STPG2: variants seen among roughly 807,000 people sequenced by gnomAD.
The protein encoded by STPG2 is sperm-tail PG-rich repeat-containing protein 2.
STPG2 carries 56 observed loss-of-function variants against 54.2 expected under a neutral mutation model. The ratio of observed to expected loss-of-function variants is 1.03; its 90% CI spans 0.83 to 1.29. The LOEUF is 1.29. STPG2 is among the 50% of genes most tolerant of loss of function. STPG2 has a pLI of 0.00. For missense variants in STPG2, 596 were observed against 544.9 expected (o/e 1.09, Z -0.93); for synonymous variants, 200 against 181.8 (o/e 1.10, Z -0.81).
chr4:97,645,886 T>G (rs2148949230), intron 10 of STPG2, among the ~76,000 whole-genome samples: 1 of 152,270 alleles, frequency 6.6e-6, no homozygotes, highest in Non-Finnish European at 1.5e-5. Flanking sequence ...TATATTTAAC[T>G]TAGTGAAAAG....
intron 10 of STPG2, among the ~76,000 whole-genome samples, chr4:97,567,418 A>C (rs914112540): frequency 6.7e-6 from 1 of 149,438 alleles, no homozygotes; most frequent in Non-Finnish European, 1.5e-5. Context: ...AATATCTAAC[A>C]ATACTATATA....
intron 9 of STPG2, among the ~76,000 whole-genome samples, chr4:97,817,939 A>ATT (rs1168811161): frequency 6.6e-6 from 1 of 151,682 alleles, no homozygotes; most frequent in Admixed American, 6.6e-5. Context: ...ATATATATAT[A>ATT]CTCTGTCCTC....
At chr4:97,901,058 TC>T (rs1731158815) in intron 8 of STPG2, among the ~76,000 whole-genome samples, 1 of 152,020 alleles carries the variant, frequency 6.6e-6, no homozygotes, top group Non-Finnish European at 1.5e-5. Flanking sequence ...AATGCAATTG[TC>T]CTTGTAACAT....
At chr4:97,957,081 A>G (rs1259165002) in intron 7 of STPG2, among the ~76,000 whole-genome samples, 1 of 151,862 alleles carries the variant, frequency 6.6e-6, no homozygotes, top group Non-Finnish European at 1.5e-5. Flanking sequence ...ATATATATAT[A>G]TGTGAAATAT....
intron 4 of STPG2, among the ~76,000 whole-genome samples, chr4:97,525,139 A>G (rs1330700743): frequency 6.6e-6 from 1 of 151,940 alleles, no homozygotes; most frequent in Non-Finnish European, 1.5e-5. Flanking sequence ...CTCTAATTGT[A>G]TTGTGATATG....
chr4:97,603,263 T>C (rs1012589971), intron 10 of STPG2, among the ~76,000 whole-genome samples: 1 of 151,604 alleles, frequency 6.6e-6, no homozygotes, highest in Non-Finnish European at 1.5e-5. Context: ...CAAAATGAGA[T>C]ACCACCTCAC....
intron 1 of STPG2, among the ~76,000 whole-genome samples, chr4:98,135,954 C>T (rs1397054012): frequency 6.6e-6 from 1 of 151,380 alleles, no homozygotes; most frequent in African/African-American, 2.4e-5. Context: ...TACAAATTAC[C>T]AGAGAGTGTA....
intron 8 of STPG2, among the ~76,000 whole-genome samples, chr4:97,880,125 A>G (rs1730317594): frequency 6.6e-6 from 1 of 152,206 alleles, no homozygotes; most frequent in Non-Finnish European, 1.5e-5. Flanking sequence ...GCCTTCTAAA[A>G]GAAGGAAATT....
At chr4:97,956,356 T>C (rs1342371847) in intron 7 of STPG2, among the ~76,000 whole-genome samples, 1 of 152,114 alleles carries the variant, frequency 6.6e-6, no homozygotes, top group Non-Finnish European at 1.5e-5. Context: ...TTGATTATAA[T>C]ATTTGATTAA....
intron 5 of STPG2, among the ~76,000 whole-genome samples, chr4:98,054,132 A>T (rs908641862): frequency 6.6e-6 from 1 of 152,146 alleles, no homozygotes; most frequent in Non-Finnish European, 1.5e-5. Context: ...TTTTAAAGAG[A>T]AAAACAGCTT....
chr4:97,978,791 C>T (rs1023292170), intron 6 of STPG2, among the ~76,000 whole-genome samples: 1 of 151,976 alleles, frequency 6.6e-6, no homozygotes, highest in Non-Finnish European at 1.5e-5. Flanking sequence ...ATCCAGATAA[C>T]AAAAATCTCT....
chr4:97,450,008 T>C (rs1420615065), intron 4 of STPG2, among the ~76,000 whole-genome samples: 2 of 152,120 alleles, frequency 1.3e-5, no homozygotes, highest in Non-Finnish European at 2.9e-5. Context: ...ATTTATAATA[T>C]GAACAAAAAT....
At chr4:97,871,592 C>T (rs1729991709) in intron 8 of STPG2, among the ~76,000 whole-genome samples, 1 of 150,978 alleles carries the variant, frequency 6.6e-6, no homozygotes, top group Admixed American at 6.6e-5. Context: ...AGTTTACTAA[C>T]ATCAGTTTTG....
intron 10 of STPG2, among the ~76,000 whole-genome samples, chr4:97,676,228 A>G (rs778662370): frequency 3.3e-5 from 5 of 151,500 alleles, no homozygotes; most frequent in Non-Finnish European, 5.9e-5. Flanking sequence ...AACGACAGCT[A>G]TGAAGTTAGT....
chr4:97,924,389 T>A (rs1578696401), intron 8 of STPG2, among the ~76,000 whole-genome samples: 1 of 152,344 alleles, frequency 6.6e-6, no homozygotes, highest in South Asian at 2.1e-4. Flanking sequence ...ACAATAGGAC[T>A]TTTGTCTGCC....
intron 10 of STPG2, among the ~76,000 whole-genome samples, chr4:97,675,556 T>G (rs1369617892): frequency 1.3e-5 from 2 of 152,176 alleles, no homozygotes; most frequent in Non-Finnish European, 2.9e-5. Context: ...TGCGGTGCCC[T>G]GCACTGCTTT....
At chr4:97,527,552 A>G (rs1223520942) in intron 4 of STPG2, among the ~76,000 whole-genome samples, 1 of 152,186 alleles carries the variant, frequency 6.6e-6, no homozygotes, top group Non-Finnish European at 1.5e-5. Context: ...TTCTGGTTCT[A>G]GATTCTTGAG....
intron 4 of STPG2, among the ~76,000 whole-genome samples, chr4:97,521,902 G>T (rs1372615891): frequency 6.6e-6 from 1 of 151,724 alleles, no homozygotes; most frequent in African/African-American, 2.4e-5. Flanking sequence ...CCAGGCCCAG[G>T]AGTTCATATC....
At chr4:97,458,341 C>T (rs946576039) in intron 4 of STPG2, among the ~76,000 whole-genome samples, 6 of 151,952 alleles carry the variant, frequency 3.9e-5, no homozygotes, top group African/African-American at 1.2e-4. Flanking sequence ...TTTGTCATTT[C>T]GTTGAAATTA....
Sources: gnomAD v4.1 joint callset for allele counts (sites outside exome capture counted in the v4.1 genomes callset) on GRCh38, gnomAD v4.1.1 for gene constraint, MANE v1.5 for transcripts, NCBI Gene and HGNC (gene_info 2026-07-23, HGNC 2026-07-21) for gene names.